CELF3: variants seen among roughly 807,000 people sequenced by gnomAD.
CELF3 encodes CUGBP Elav-like family member 3, also known as CAG repeat domain.
CELF3 carries 26 observed loss-of-function variants against 59.6 expected under a neutral mutation model. The ratio of observed to expected loss-of-function variants is 0.44; its 90% CI spans 0.32 to 0.61. The LOEUF (loss-of-function observed/expected upper bound fraction) is 0.61. CELF3 is among the 20% of genes least tolerant of loss of function. The pLI is 0.06. For missense variants in CELF3, 387 were observed against 627.2 expected (o/e 0.62, Z 4.09); for synonymous variants, 245 against 250.7 (o/e 0.98, Z 0.22).
At position 151,709,849 on chromosome 1, in the gene CELF3, TC is replaced by T; in HGVS notation, c.229-59del. ...ACCTCCTCTGAACACCCAAGAGCCC[TC>T]CCAGGCCAGGCCCTGCAGAGAGACT... On this transcript the variant is annotated intron_variant, in intron 2 of 12. Transcript: ENST00000290583. This position sits in a 1 kb window ranked among gnomAD's most constrained non-coding sequence, Gnocchi z 4.9. 1.9e-6 allele frequency: 3 copies of T among 1,553,232 alleles called. No homozygotes were observed. Among genetic ancestry groups the T allele is most frequent in the Non-Finnish European group, 2.7e-6 (3 of 1,124,544 alleles).
intron 2 of CELF3, chr1:151,714,287 C>T: frequency 5.2e-6 from 3 of 576,368 alleles, no homozygotes; most frequent in South Asian, 2.3e-5. Flanking sequence ...GAGACTTTTC[C>T]CCACACCTTC....
chr1:151,704,733 G>A (rs1224214971), intron 12 of CELF3, among the ~76,000 whole-genome samples: 1 of 152,116 alleles, frequency 6.6e-6, no homozygotes, highest in Admixed American at 6.5e-5. Context: ...CCAGACAAAC[G>A]AGACCAGATA....
chr1:151,710,868 G>A (rs759475099), intron 2 of CELF3: 1 of 456,364 alleles, frequency 2.2e-6, no homozygotes, highest in South Asian at 1.5e-5. Flanking sequence ...CCAGGGTGGG[G>A]AGTATTATAG....
chr1:151,708,590 G>A (rs1672760114), intron 5 of CELF3, among the ~76,000 whole-genome samples: 2 of 152,294 alleles, frequency 1.3e-5, no homozygotes, highest in South Asian at 4.1e-4. Context: ...ATTTAGAGGT[G>A]GGCTCTAGAC....
chr1:151,712,020 C>G (rs1465970359), intron 2 of CELF3: 3 of 152,392 alleles, frequency 2.0e-5, no homozygotes. Context: ...TACACCCTCA[C>G]AGACAGGACC....
At chr1:151,714,528 TG>T in intron 2 of CELF3, 65 bp downstream of exon 2, 1 of 1,144,280 alleles carries the variant, frequency 8.7e-7, no homozygotes, top group Non-Finnish European at 1.3e-6. Context: ...GTCAGGAGGG[TG>T]GTGAGCCTCC....
intron 1 of CELF3, among the ~76,000 whole-genome samples, chr1:151,715,340 C>G (rs916522120): frequency 6.6e-6 from 1 of 152,132 alleles, no homozygotes; most frequent in Non-Finnish European, 1.5e-5. Context: ...AAGCCTCCCA[C>G]ACTTTCCAGA....
intron 2 of CELF3, among the ~76,000 whole-genome samples, chr1:151,711,571 C>G (rs926727252): frequency 6.6e-6 from 1 of 152,196 alleles, no homozygotes; most frequent in South Asian, 2.1e-4. Flanking sequence ...CCATCGGAGG[C>G]TCAATCTCCT....
At position 151,705,185 on chromosome 1, in the gene CELF3, A is replaced by T. The variant is rs1251827712; in HGVS notation, c.1271-17T>A. 1 of 1,608,144 alleles carries T rather than the reference A, an allele frequency of 6.2e-7. No individual in the cohort carries two copies. The highest frequency in any genetic ancestry group is 1.7e-5 in the Admixed American group (1 of 59,812). On this transcript the variant is annotated splice_polypyrimidine_tract_variant and intron_variant, in intron 11 of 12. Coordinates refer to ENST00000290583, the MANE Select transcript of CELF3 (RefSeq NM_007185.7). The surrounding 1 kb of genome is among the most constrained non-coding windows in gnomAD (Gnocchi z 5.1). ...TCACAAAGCCTGGGGTGAGAGGGGC[A>T]TAAGGCCCGGCCCAGCCCCACCTCG...
At position 151,700,203 on chromosome 1, in the gene CELF3, C is replaced by A. The variant is rs1558088931; in HGVS notation, c.*3256G>T. 6.6e-6 allele frequency among the ~76,000 whole-genome samples: 1 copy of A among 152,060 alleles called. No individual in the cohort carries two copies. The highest frequency in any genetic ancestry group is 1.5e-5 in the Non-Finnish European group (1 of 68,040). The stretch of plus-strand genomic sequence containing the variant: ...GGCTCACAGAAGAATGAGACACTTA[C>A]GCATGGCCATGATACACAGCAGTGA... On this transcript the variant is annotated 3_prime_UTR_variant, in exon 13 of 13. Coordinates refer to ENST00000290583, the MANE Select transcript of CELF3 (RefSeq NM_007185.7).
At chr1:151,706,771 GCACA>G in intron 8 of CELF3, 37 bp from the exon 9 acceptor site, 1 of 1,479,806 alleles carries the variant, frequency 6.8e-7, no homozygotes, top group South Asian at 1.3e-5. Context: ...CGTGGACCTG[GCACA>G]CAGTGGGGGC....
intron 2 of CELF3, among the ~76,000 whole-genome samples, chr1:151,714,153 C>T (rs530919950): frequency 2.0e-5 from 3 of 152,216 alleles, no homozygotes; most frequent in South Asian, 2.1e-4. Context: ...CCAATCTAGC[C>T]GGCACCAGCT....
intron 2 of CELF3, 185 bp downstream of exon 2, chr1:151,714,409 C>A (rs1032588051): frequency 3.0e-6 from 2 of 659,980 alleles, no homozygotes; most frequent in East Asian, 2.7e-5. Context: ...CGCTGCTTTC[C>A]TTCTCTCCAG....
chr1:151,711,544 G>A (rs1329680779), intron 2 of CELF3, among the ~76,000 whole-genome samples: 1 of 146,408 alleles, frequency 6.8e-6, no homozygotes. Flanking sequence ...TTTATCACCC[G>A]CCAATCTGGG....
chr1:151,715,255 GC>G (rs1558112577), intron 1 of CELF3, among the ~76,000 whole-genome samples: 1 of 151,810 alleles, frequency 6.6e-6, no homozygotes, highest in Non-Finnish European at 1.5e-5. Flanking sequence ...GACCCTGACC[GC>G]CCCCACTTAG....
intron 1 of CELF3, 34 bp from the exon 2 acceptor site, chr1:151,714,710 G>T (rs894987322): frequency 4.8e-6 from 7 of 1,447,442 alleles, no homozygotes; most frequent in African/African-American, 1.4e-5. Context: ...AACACGGCGG[G>T]GGGTGAGTCC....
rs1402353578 is a variant in CELF3, at chr1:151,706,124, A to G, written c.1126+100T>C. ...GGCCACTCCCTCCCCACTTGCTTTC[A>G]TCCTGACACGTGGGCAAGAGCTGGG... On this transcript the variant is annotated intron_variant, in intron 10 of 12. Transcript: ENST00000290583. The G allele has an allele frequency of 1.9e-6, 3 of 1,604,412 alleles. No homozygotes were observed. The East Asian group carries it at 6.7e-5, about 36-fold the overall frequency.
intron 1 of CELF3, chr1:151,715,621 A>G (rs764875229): frequency 6.6e-5 from 97 of 1,469,322 alleles, no homozygotes; most frequent in Middle Eastern, 1.8e-4. Flanking sequence ...CAACACACCC[A>G]TATGTCTGGG....
At position 151,707,557 on chromosome 1, in the gene CELF3, G is replaced by T. The variant is rs1167157273; in HGVS notation, c.722C>A (p.Ala241Asp). Residue 241 changes from alanine (A) to aspartate (D), a missense_variant, in exon 7 of 13, where the codon GCT (alanine) becomes GAT (aspartate). Ala to Asp is a moderately radical substitution (Grantham distance 126). This residue lies in a region of CELF3 where 208 missense variants were observed against 354.8 expected (regional missense o/e 0.59). Transcript: ENST00000290583. The stretch of plus-strand genomic sequence containing the variant: ...GATGAGGCCATTGGCATTGATGGCA[G>T]CCATGTGCTGCATCTGCACGGCAGC... ...TMAAVQMQHM[A>D]AINANGLIAT... 1 of 1,610,348 alleles carries T rather than the reference G, an allele frequency of 6.2e-7. No homozygotes were observed. Among genetic ancestry groups the T allele is most frequent in the Non-Finnish European group, 8.5e-7 (1 of 1,179,586 alleles).
Sources: allele counts gnomAD v4.1 joint callset (sites outside exome capture counted in the v4.1 genomes callset), GRCh38; gene constraint gnomAD v4.1.1; regional missense constraint gnomAD v4.1.1; non-coding constraint Gnocchi (gnomAD v3.1); transcripts MANE v1.5; gene names NCBI Gene and HGNC (gene_info 2026-07-23, HGNC 2026-07-21).